BCAT1: variants seen among roughly 807,000 people sequenced by gnomAD.
BCAT1 encodes branched-chain-amino-acid aminotransferase, cytosolic.
A neutral mutation model predicts 52.4 loss-of-function variants in BCAT1; 48 were observed. That is an observed-to-expected ratio of 0.92 (90% CI 0.73 to 1.16). The LOEUF is 1.16. BCAT1 is among the 50% of genes most tolerant of loss of function. The pLI is 0.00. For synonymous variants in BCAT1, 167 were observed against 161.3 expected (o/e 1.04, Z -0.27); for missense variants, 451 against 457.1 (o/e 0.99, Z 0.12).
chr12:24,903,851 G>C (rs998466854), intron 1 of BCAT1: 1 of 152,170 alleles, frequency 6.6e-6, no homozygotes, highest in African/African-American at 2.4e-5. Context: ...GTTCGCCTGG[G>C]GCAACGTCAG....
Position 24,949,091 on chromosome 12 carries a change from G to T in BCAT1, c.-159C>A. The T allele has an allele frequency of 1.5e-6, 1 of 668,326 alleles. No homozygotes were observed. Among genetic ancestry groups the T allele is most frequent in the African/African-American group, 1.8e-5 (1 of 54,766 alleles). 41.4% of individuals were successfully genotyped at this position (668,326 alleles called of 1,614,324 possible). A position where few individuals can be genotyped will look rare whatever the true frequency, so the allele number is the denominator to read the frequency against. ...GAGGCGGCGGCGAGTACACGTGGCG[G>T]GCTGGATTGCAGACCGGCCCTCTCG... On this transcript the variant is annotated 5_prime_UTR_variant, in exon 1 of 11. Coordinates refer to ENST00000261192, the MANE Select transcript of BCAT1 (RefSeq NM_005504.7).
In BCAT1 at chr12:24,887,064, A is replaced by AAAT. The variant is rs1421398673; in HGVS notation, c.280-5654_280-5653insATT. On this transcript the variant is annotated intron_variant, in intron 3 of 10. Coordinates refer to ENST00000261192, the MANE Select transcript of BCAT1 (RefSeq NM_005504.7). ...GAAGAACGAGAGAGATGCTAGCTAA[A>AAAT]AAAAAAAAAAAAAAAAATATATATA... Among the ~76,000 whole-genome samples, 134 of 78,232 alleles carry AAAT rather than the reference A, an allele frequency of 1.7e-3. 1 individual carries two copies. The highest frequency in any genetic ancestry group is 6.3e-3 in the African/African-American group (116 of 18,336). The allele number at this position is 78,232 out of a possible 152,430, so 51.3% of individuals were successfully genotyped here.
chr12:24,881,865 G>A (rs1217133488), intron 3 of BCAT1, among the ~76,000 whole-genome samples: 1 of 152,130 alleles, frequency 6.6e-6, no homozygotes, highest in Non-Finnish European at 1.5e-5. Flanking sequence ...ATCCAGATGT[G>A]ACCAGAGCTG....
chr12:24,810,629 ACT>A lies in BCAT1; in HGVS notation c.*7377_*7378del, dbSNP rs1939651017. ...AATAACCTTTGCCTAGACCTTCCAA[ACT>A]CTGCGCGTAACTTCTTGAGAGATCT... On this transcript the variant is annotated 3_prime_UTR_variant, in exon 11 of 11. Coordinates refer to ENST00000261192, the MANE Select transcript of BCAT1 (RefSeq NM_005504.7). 1 of 152,046 alleles carries A rather than the reference ACT, an allele frequency of 6.6e-6. No homozygotes were observed. Among genetic ancestry groups the A allele is most frequent in the Non-Finnish European group, 1.5e-5 (1 of 68,008 alleles). 9.4% of individuals were successfully genotyped at this position (152,046 alleles called of 1,614,324 possible).
At position 24,835,137 on chromosome 12, in the gene BCAT1, A is replaced by G. The variant is rs963622695; in HGVS notation, c.903+1374T>C. 7.9e-5 allele frequency among the ~76,000 whole-genome samples: 12 copies of G among 152,334 alleles called. No homozygotes were observed. In the South Asian group the frequency reaches 1.7e-3, roughly 21 times the overall value. ...ATAAAACAAAAATTACTGAGCTTCAAAAATATCTTTCCAATTGCAAACATA... is the reference window on the plus strand; with the variant it reads ...ATAAAACAAAAATTACTGAGCTTCAGAAATATCTTTCCAATTGCAAACATA... On this transcript the variant is annotated intron_variant, in intron 8 of 10. Coordinates refer to ENST00000261192, the MANE Select transcript of BCAT1 (RefSeq NM_005504.7).
At chr12:24,882,387 T>C (rs1278956128) in intron 3 of BCAT1, among the ~76,000 whole-genome samples, 8 of 152,006 alleles carry the variant, frequency 5.3e-5, no homozygotes, top group African/African-American at 1.9e-4. Flanking sequence ...AAAACTTACA[T>C]GGGAAAAAAA....
At chr12:24,917,183 T>C (rs1943424905) in intron 1 of BCAT1, among the ~76,000 whole-genome samples, 1 of 150,300 alleles carries the variant, frequency 6.7e-6, no homozygotes, top group South Asian at 2.1e-4. Context: ...AGTTTTTCAT[T>C]AGAGCTTTGG....
intron 5 of BCAT1, among the ~76,000 whole-genome samples, chr12:24,860,311 T>C (rs753633414): frequency 2.0e-4 from 31 of 152,340 alleles, no homozygotes; most frequent in Admixed American, 1.7e-3. Flanking sequence ...TGGACTAAAC[T>C]AATAAAAGAA....
Position 24,946,898 on chromosome 12 carries a change from G to A in BCAT1, c.6+2029C>T, listed in dbSNP as rs144592166. ...GCTGAAAAGCAAGAGAAATTCTTGC[G>A]TAAAAAAGGAAAAATATTTTTCCCC... On this transcript the variant is annotated intron_variant, in intron 1 of 10. Transcript: ENST00000261192. 5.6e-4 allele frequency among the ~76,000 whole-genome samples: 85 copies of A among 152,132 alleles called. 2 individuals carry two copies. Among genetic ancestry groups the A allele is most frequent in the South Asian group, 1.7e-3 (8 of 4,826 alleles).
At chr12:24,936,268 T>G (rs1344326429) in intron 1 of BCAT1, among the ~76,000 whole-genome samples, 1 of 152,244 alleles carries the variant, frequency 6.6e-6, no homozygotes, top group African/African-American at 2.4e-5. Context: ...AGTCTCACGC[T>G]GTAGCCCAGG....
At chr12:24,876,810 G>C (rs151330260) in intron 5 of BCAT1, among the ~76,000 whole-genome samples, 1 of 152,118 alleles carries the variant, frequency 6.6e-6, no homozygotes. Context: ...CGGAAGGGGC[G>C]GGAGGAGGAA....
intron 6 of BCAT1, among the ~76,000 whole-genome samples, chr12:24,848,087 C>A (rs912090553): frequency 6.6e-6 from 1 of 152,166 alleles, no homozygotes; most frequent in African/African-American, 2.4e-5. Context: ...TTCCCTCTTG[C>A]CATTTTTAAT....
chr12:24,861,837 G>GA (rs1260365592), intron 5 of BCAT1, among the ~76,000 whole-genome samples: 1 of 152,158 alleles, frequency 6.6e-6, no homozygotes. Flanking sequence ...AGAACCCACT[G>GA]AAAAAACAGG....
At chr12:24,863,944 A>G (rs1941926094) in intron 5 of BCAT1, among the ~76,000 whole-genome samples, 1 of 151,954 alleles carries the variant, frequency 6.6e-6, no homozygotes, top group Non-Finnish European at 1.5e-5. Context: ...AAAAAAAAAG[A>G]AGCCATGCTT....
chr12:24,913,682 T>C (rs1027173819), intron 1 of BCAT1, among the ~76,000 whole-genome samples: 3 of 152,018 alleles, frequency 2.0e-5, no homozygotes, highest in Non-Finnish European at 4.4e-5. Flanking sequence ...AGAAATATGA[T>C]TGGACAAAAA....
intron 1 of BCAT1, among the ~76,000 whole-genome samples, chr12:24,929,499 T>C (rs1943647254): frequency 1.3e-5 from 2 of 152,212 alleles, no homozygotes; most frequent in South Asian, 4.1e-4. Context: ...AAAAACTGTC[T>C]TTTTGTAAAC....
intron 10 of BCAT1, among the ~76,000 whole-genome samples, chr12:24,820,621 T>A (rs1940076356): frequency 6.6e-6 from 1 of 152,126 alleles, no homozygotes; most frequent in South Asian, 2.1e-4. Flanking sequence ...TTAGTTTTGT[T>A]CACTGGAATC....
intron 10 of BCAT1, among the ~76,000 whole-genome samples, chr12:24,821,318 C>G (rs1305545654): frequency 6.6e-6 from 1 of 152,152 alleles, no homozygotes; most frequent in Non-Finnish European, 1.5e-5. Context: ...ATTCAAGCTG[C>G]CCCTTTCCTA....
intron 3 of BCAT1, among the ~76,000 whole-genome samples, chr12:24,884,745 A>T (rs1565481989): frequency 6.6e-6 from 1 of 152,238 alleles, no homozygotes; most frequent in Non-Finnish European, 1.5e-5. Flanking sequence ...CAACATGACT[A>T]AGTTGAATTT....
Sources: gnomAD v4.1 joint callset for allele counts (sites outside exome capture counted in the v4.1 genomes callset) on GRCh38, gnomAD v4.1.1 for gene constraint, MANE v1.5 for transcripts, NCBI Gene and HGNC (gene_info 2026-07-23, HGNC 2026-07-21) for gene names.